The following IL15 variants were observed in gnomAD, a reference collection of about 807,000 sequenced individuals.
IL15 encodes interleukin-15.
In IL15, 11 loss-of-function variants were observed where a neutral mutation model predicts 19.6. That is an observed-to-expected ratio of 0.56 (90% CI 0.35 to 0.93). The LOEUF is 0.93. Ranked by LOEUF, IL15 falls within the 40% of genes least tolerant of loss-of-function variation. IL15 has a pLI of 0.01. For missense variants in IL15, 197 were observed against 186.5 expected, an observed-to-expected ratio of 1.06 and a Z score of -0.33; for synonymous variants, 58 against 59.6, an observed-to-expected ratio of 0.97 and a Z score of 0.12.
chr4:141,657,030 A>G (rs1578994301), intron 2 of IL15, among the ~76,000 whole-genome samples: 1 of 152,274 alleles, frequency 6.6e-6, no homozygotes. Context: ...GGAACATCCT[A>G]GGCTGCACTG....
intron 2 of IL15, among the ~76,000 whole-genome samples, chr4:141,683,046 G>A (rs1354894074): frequency 6.6e-6 from 1 of 151,750 alleles, no homozygotes; most frequent in Non-Finnish European, 1.5e-5. Flanking sequence ...TGAGGCAGGC[G>A]GATCACGAGG....
chr4:141,651,655 C>A (rs1323824917), intron 1 of IL15, among the ~76,000 whole-genome samples: 1 of 152,058 alleles, frequency 6.6e-6, no homozygotes, highest in Non-Finnish European at 1.5e-5. Context: ...TGTTTTATAA[C>A]TGAATAGAGA....
chr4:141,652,560 C>A (rs1295367019), intron 1 of IL15, among the ~76,000 whole-genome samples: 1 of 151,966 alleles, frequency 6.6e-6, no homozygotes, highest in East Asian at 1.9e-4. Flanking sequence ...AGAAACAAGA[C>A]GTTTGGGACT....
chr4:141,673,741 T>A (rs1728249839), intron 2 of IL15, among the ~76,000 whole-genome samples: 1 of 152,228 alleles, frequency 6.6e-6, no homozygotes, highest in South Asian at 2.1e-4. Flanking sequence ...ATCATACATA[T>A]AAACTACTTT....
intron 2 of IL15, among the ~76,000 whole-genome samples, chr4:141,691,411 A>G (rs188242160): frequency 5.0e-4 from 76 of 152,248 alleles, no homozygotes; most frequent in Admixed American, 1.3e-3. Context: ...CACTCCCCCA[A>G]TGTGTGAACT....
At position 141,712,244 on chromosome 4, in the gene IL15, C is replaced by A. The variant is rs1018109709; in HGVS notation, c.-99-7122C>A. 2.6e-5 allele frequency among the ~76,000 whole-genome samples: 4 copies of A among 152,008 alleles called. No individual in the cohort carries two copies. The South Asian group carries it at 8.3e-4, about 31-fold the overall frequency. ...CTATGGTTTGGGATAATTTCTTCAC[C>A]TTAGTGAGTGTTTGAATGAAGTGCT... is the stretch of plus-strand genomic sequence containing the variant. On this transcript the variant is annotated intron_variant, in intron 2 of 7. Coordinates refer to ENST00000320650, the MANE Select transcript of IL15 (RefSeq NM_000585.5).
intron 2 of IL15, among the ~76,000 whole-genome samples, chr4:141,670,403 A>G (rs1414322914): frequency 2.0e-5 from 3 of 152,180 alleles, no homozygotes; most frequent in African/African-American, 4.8e-5. Flanking sequence ...AAGGCACTAT[A>G]GATAGAATTA....
intron 5 of IL15, among the ~76,000 whole-genome samples, chr4:141,723,580 A>G (rs1244273674): frequency 6.6e-6 from 1 of 152,198 alleles, no homozygotes; most frequent in Non-Finnish European, 1.5e-5. Flanking sequence ...GTAAATGAAT[A>G]GATTTCTGTT....
At chr4:141,683,192 C>T (rs545562084) in intron 2 of IL15, among the ~76,000 whole-genome samples, 99 of 151,950 alleles carry the variant, frequency 6.5e-4, no homozygotes, top group African/African-American at 2.3e-3. Flanking sequence ...TCACTTGAAC[C>T]GGGTAGGTGG....
At chr4:141,725,502 G>A (rs1730227184) in intron 5 of IL15, among the ~76,000 whole-genome samples, 1 of 152,110 alleles carries the variant, frequency 6.6e-6, no homozygotes, top group East Asian at 1.9e-4. Context: ...CTGGTACCCT[G>A]ATTTCAGACC....
At chr4:141,721,213 A>G (rs1168220420) in intron 4 of IL15, 2 of 826,318 alleles carry the variant, frequency 2.4e-6, no homozygotes, top group South Asian at 1.4e-5. Flanking sequence ...AGTGTTGACT[A>G]TCATGCTTCT....
chr4:141,729,456 T>G (rs1730377707), intron 6 of IL15, among the ~76,000 whole-genome samples: 1 of 152,160 alleles, frequency 6.6e-6, no homozygotes, highest in Non-Finnish European at 1.5e-5. Flanking sequence ...GCTACCACTA[T>G]TTAAAATGTT....
intron 2 of IL15, among the ~76,000 whole-genome samples, chr4:141,661,548 G>A (rs369902985): frequency 6.6e-6 from 1 of 152,152 alleles, no homozygotes; most frequent in East Asian, 1.9e-4. Flanking sequence ...AGGCAGAGTC[G>A]GATTCCTGCC....
At chr4:141,649,309 T>C (rs1443442331) in intron 1 of IL15, among the ~76,000 whole-genome samples, 1 of 152,060 alleles carries the variant, frequency 6.6e-6, no homozygotes, top group African/African-American at 2.4e-5. Flanking sequence ...TCACCCATAG[T>C]CCCAAGTACG....
intron 2 of IL15, among the ~76,000 whole-genome samples, chr4:141,703,741 A>C (rs1330851608): frequency 6.6e-6 from 1 of 151,674 alleles, no homozygotes; most frequent in Non-Finnish European, 1.5e-5. Flanking sequence ...ATCTTGAAAA[A>C]AAAAAAAAAA....
intron 6 of IL15, 83 bp from the exon 7 acceptor site, chr4:141,729,764 G>T: frequency 1.3e-6 from 1 of 755,486 alleles, no homozygotes; most frequent in South Asian, 1.8e-5. Flanking sequence ...TATTTGGATT[G>T]ACTTTTTGAA....
Position 141,719,348 on chromosome 4 carries a change from G to C in IL15, c.-99-18G>C, listed in dbSNP as rs911893464. 3 of 605,086 alleles carry C rather than the reference G, an allele frequency of 5.0e-6. No homozygotes were observed. Among genetic ancestry groups the C allele is most frequent in the Non-Finnish European group, 9.0e-6 (3 of 333,678 alleles). 37.5% of individuals were successfully genotyped at this position (605,086 alleles called of 1,614,324 possible). ...TACTAGTGCACTTGTGTTTTTAATG[G>C]ATCATACTTTACCCTAGATTGTATT... On this transcript the variant is annotated intron_variant, in intron 2 of 7. Transcript: ENST00000320650.
At chr4:141,672,890 T>A (rs1385425272) in intron 2 of IL15, among the ~76,000 whole-genome samples, 2 of 152,154 alleles carry the variant, frequency 1.3e-5, no homozygotes, top group East Asian at 3.9e-4. Context: ...TTGATGAGTG[T>A]CTCCCTACCT....
intron 5 of IL15, among the ~76,000 whole-genome samples, chr4:141,722,438 T>A (rs749073978): frequency 4.6e-5 from 7 of 152,170 alleles, no homozygotes; most frequent in Non-Finnish European, 8.8e-5. Context: ...GAAGTCTCGA[T>A]GGCACCAAGC....
Sources: allele counts gnomAD v4.1 joint callset (sites outside exome capture counted in the v4.1 genomes callset), GRCh38; gene constraint gnomAD v4.1.1; transcripts MANE v1.5; gene names NCBI Gene and HGNC (gene_info 2026-07-23, HGNC 2026-07-21).